Variants in NAALADL2 observed in about 807,000 individuals in gnomAD.
NAALADL2 encodes the protein inactive N-acetylated-alpha-linked acidic dipeptidase-like protein 2.
Under a neutral mutation model 87.2 loss-of-function variants are expected in NAALADL2, and 76 were observed. The ratio of observed to expected loss-of-function variants is 0.87; its 90% CI spans 0.72 to 1.05. The LOEUF (loss-of-function observed/expected upper bound fraction) is 1.05, where lower values mean the gene tolerates loss of function less well. NAALADL2 is among the 50% of genes least tolerant of loss of function. The pLI is 0.00. For synonymous variants in NAALADL2, 354 were observed against 331.0 expected (o/e 1.07, Z -0.75); for missense variants, 1,089 against 945.8 (o/e 1.15, Z -1.99).
chr3:174,662,099 A>G (rs908218149), intron 2 of NAALADL2, among the ~76,000 whole-genome samples: 2 of 152,132 alleles, frequency 1.3e-5, no homozygotes, highest in Non-Finnish European at 2.9e-5. Context: ...AAATAAAATA[A>G]CATTACAAAG....
chr3:174,889,228 A>T (rs1435441276), intron 1 of NAALADL2, among the ~76,000 whole-genome samples: 1 of 152,152 alleles, frequency 6.6e-6, no homozygotes, highest in East Asian at 1.9e-4. Context: ...ATTCTTTATG[A>T]TGTTTCCTTT....
intron 5 of NAALADL2, among the ~76,000 whole-genome samples, chr3:175,388,918 A>G (rs1041366907): frequency 6.6e-6 from 1 of 152,128 alleles, no homozygotes; most frequent in Non-Finnish European, 1.5e-5. Context: ...TAAATACTGT[A>G]TTTTAAGCAC....
rs1768395360 is a variant in NAALADL2, at chr3:175,386,512, T to G, written c.1091-60717T>G. ...TGTATCATCTTTTTTTTTTTTCCCC[T>G]CTCCCTCTCTATTTATCTTATTAGA... On this transcript the variant is annotated intron_variant, in intron 5 of 13. Coordinates refer to ENST00000454872, the MANE Select transcript of NAALADL2 (RefSeq NM_207015.3). 2.7e-5 allele frequency among the ~76,000 whole-genome samples: 4 copies of G among 150,144 alleles called. No homozygotes were observed. The South Asian group carries it at 8.3e-4, about 31-fold the overall frequency.
At chr3:174,699,170 A>G (rs1446954739) in intron 2 of NAALADL2, among the ~76,000 whole-genome samples, 11 of 152,122 alleles carry the variant, frequency 7.2e-5, no homozygotes, top group Admixed American at 7.2e-4. Flanking sequence ...TAATTTCTTT[A>G]TCATCCACTT....
At chr3:174,581,837 C>T (rs1284380452) in intron 2 of NAALADL2, among the ~76,000 whole-genome samples, 1 of 152,188 alleles carries the variant, frequency 6.6e-6, no homozygotes, top group African/African-American at 2.4e-5. Flanking sequence ...TCTGTTCCCT[C>T]TGGCACAGTG....
chr3:175,730,443 T>TATATATATAC (rs1387585623), intron 11 of NAALADL2, among the ~76,000 whole-genome samples: 1 of 64,484 alleles, frequency 1.6e-5, no homozygotes, highest in Admixed American at 1.6e-4. Context: ...TATATATATA[T>TATATATATAC]ACACACATAC....
intron 2 of NAALADL2, among the ~76,000 whole-genome samples, chr3:175,111,383 T>A (rs893963673): frequency 6.6e-6 from 1 of 151,630 alleles, no homozygotes; most frequent in Non-Finnish European, 1.5e-5. Flanking sequence ...TTACACAGAA[T>A]GTTTTTGGGT....
At chr3:175,690,650 A>G (rs377331693) in intron 11 of NAALADL2, among the ~76,000 whole-genome samples, 2 of 152,012 alleles carry the variant, frequency 1.3e-5, no homozygotes, top group South Asian at 2.1e-4. Context: ...CAGTGTCTTA[A>G]TACCCACATT....
At chr3:174,939,598 T>G (rs1738252915) in intron 1 of NAALADL2, among the ~76,000 whole-genome samples, 1 of 152,034 alleles carries the variant, frequency 6.6e-6, no homozygotes, top group South Asian at 2.1e-4. Flanking sequence ...TTGCTTTGAG[T>G]GATACAGCCA....
chr3:174,966,183 C>T (rs1273417509), intron 1 of NAALADL2, among the ~76,000 whole-genome samples: 1 of 152,156 alleles, frequency 6.6e-6, no homozygotes, highest in Non-Finnish European at 1.5e-5. Context: ...TCTTAAAACA[C>T]TTTTCTGCAT....
intron 4 of NAALADL2, among the ~76,000 whole-genome samples, chr3:175,296,762 T>C (rs925147298): frequency 7.2e-5 from 11 of 152,192 alleles, no homozygotes; most frequent in Admixed American, 7.2e-4. Context: ...CAATTAATTT[T>C]ATTAAGAAAT....
rs115461744 is a variant in NAALADL2, at chr3:175,396,800, C to T, written c.1091-50429C>T. ...GATCTAATGGTTTTATAAGGAGCTT[C>T]CCCCACCACCTTCACTCTGTGCTTC... On this transcript the variant is annotated intron_variant, in intron 5 of 13. Transcript: ENST00000454872. Among the ~76,000 whole-genome samples the T allele has an allele frequency of 3.6e-3, 541 of 152,112 alleles. 7 individuals carry two copies. Among genetic ancestry groups the T allele is most frequent in the Middle Eastern group, 0.017 (5 of 294 alleles).
chr3:174,818,460 T>TA (rs995089908), intron 3 of NAALADL2, among the ~76,000 whole-genome samples: 8 of 152,016 alleles, frequency 5.3e-5, no homozygotes, highest in Non-Finnish European at 7.4e-5. Flanking sequence ...ATATTTTATC[T>TA]AAAAAAAATC....
Position 175,576,156 on chromosome 3 carries a change from A to G in NAALADL2, c.1769A>G (p.Gln590Arg), listed in dbSNP as rs1308912808. The change falls in exon 10 of 14, where the codon CAG (glutamine) becomes CGG (arginine). Residue 590 changes from glutamine to arginine, a missense_variant. Physicochemically the swap from Gln to Arg is conservative, Grantham distance 43. Coordinates refer to ENST00000454872, the MANE Select transcript of NAALADL2 (RefSeq NM_207015.3). ...FINHLGVPIV[Q>R]FAYEDIKTLE... ...AACCATCTTGGAGTTCCCATCGTGC[A>G]GTTTGCTTACGAGGACATCAAAACA... is the stretch of plus-strand genomic sequence containing the variant. 7 of 1,613,872 alleles carry G rather than the reference A, an allele frequency of 4.3e-6. No individual in the cohort carries two copies. Among genetic ancestry groups the G allele is most frequent in the Non-Finnish European group, 5.1e-6 (6 of 1,179,820 alleles).
chr3:174,857,222 G>A (rs941860860), upstream of NAALADL2, among the ~76,000 whole-genome samples: 1 of 152,104 alleles, frequency 6.6e-6, no homozygotes, highest in African/African-American at 2.4e-5. Context: ...AAAACGTCCT[G>A]GAAGAAATTT....
rs144729337 is a variant in NAALADL2, at chr3:174,908,499, C to T, written c.43+49049C>T. On this transcript the variant is annotated intron_variant, in intron 1 of 13. Transcript: ENST00000454872. ...GGCTACAGAAATTAGGCTTTTTTCA[C>T]TAAGCCTTGAAAATTTATTTTCAAA... Among the ~76,000 whole-genome samples, 64 of 152,144 alleles carry T rather than the reference C, an allele frequency of 4.2e-4. 1 individual carries two copies. The highest frequency in any genetic ancestry group is 1.4e-3 in the African/African-American group (57 of 41,482).
At chr3:175,109,515 A>G (rs1463502584) in intron 2 of NAALADL2, among the ~76,000 whole-genome samples, 1 of 151,774 alleles carries the variant, frequency 6.6e-6, no homozygotes, top group Non-Finnish European at 1.5e-5. Context: ...TAATGACACA[A>G]AATCACACAT....
chr3:175,026,332 G>A (rs182824907), intron 1 of NAALADL2, among the ~76,000 whole-genome samples: 1 of 151,874 alleles, frequency 6.6e-6, no homozygotes. Flanking sequence ...CCACAAGTGA[G>A]CAAGAGGCCA....
intron 11 of NAALADL2, among the ~76,000 whole-genome samples, chr3:175,654,562 C>T (rs1731195846): frequency 6.6e-6 from 1 of 152,126 alleles, no homozygotes; most frequent in Admixed American, 6.6e-5. Context: ...TGTAGCAATC[C>T]TGCACCTATA....
Sources: gnomAD v4.1 joint callset for allele counts (sites outside exome capture counted in the v4.1 genomes callset) on GRCh38, gnomAD v4.1.1 for gene constraint, MANE v1.5 for transcripts, NCBI Gene and HGNC (gene_info 2026-07-23, HGNC 2026-07-21) for gene names.